TSFM: variants seen among roughly 807,000 people sequenced by gnomAD.
TSFM encodes the protein elongation factor Ts, mitochondrial.
A neutral mutation model predicts 33.4 loss-of-function variants in TSFM; 29 were observed. That is an observed-to-expected ratio of 0.87 (90% CI 0.65 to 1.18). The LOEUF (loss-of-function observed/expected upper bound fraction) is 1.18, where lower values mean the gene tolerates loss of function less well. TSFM is among the 50% of genes most tolerant of loss of function. The pLI, the probability that TSFM is intolerant of heterozygous loss-of-function variation, is 0.00. For missense variants in TSFM, 394 were observed against 395.6 expected (o/e 1.00, Z 0.04); for synonymous variants, 178 against 163.5 (o/e 1.09, Z -0.68).
Position 57,796,197 on chromosome 12 carries a change from A to C in TSFM, c.592A>C (p.Ile198Leu). ...LAIGKLGENM[I>L]LKRAAWVKVP... ...AATAGGAAAACTGGGAGAAAACATG[A>C]TTCTTAAACGAGCTGCATGGGTGAA... The change falls in exon 6 of 6, where the codon ATT becomes CTT. Residue 198 changes from isoleucine (I) to leucine (L), a missense_variant. Transcript: ENST00000652027. The C allele has an allele frequency of 6.3e-7, 1 of 1,576,024 alleles. No individual in the cohort carries two copies. Among genetic ancestry groups the C allele is most frequent in the African/African-American group, 1.4e-5 (1 of 73,220 alleles).
chr12:57,786,517 C>A (rs891014844), intron 3 of TSFM, among the ~76,000 whole-genome samples: 1 of 152,196 alleles, frequency 6.6e-6, no homozygotes, highest in Non-Finnish European at 1.5e-5. Context: ...GAATATTACT[C>A]CTGAATGTGA....
Position 57,786,280 on chromosome 12 carries a change from G to GT in TSFM, c.350dup (p.Leu118IlefsTer7). 6.2e-7 allele frequency: 1 copy of GT among 1,611,704 alleles called. No individual in the cohort carries two copies. Among genetic ancestry groups the GT allele is most frequent in the South Asian group, 1.1e-5 (1 of 90,594 alleles). ...GCTGTTGCAGGAAGGAAACACAACT[G>GT]TATTAGTAGAGGTGAGTTGTTGGAA... On this transcript the variant is annotated frameshift_variant, in exon 3 of 6. Transcript: ENST00000652027. LOFTEE classifies it high-confidence loss of function.
chr12:57,792,526 A>G (rs1035977101), intron 4 of TSFM, among the ~76,000 whole-genome samples: 1 of 152,168 alleles, frequency 6.6e-6, no homozygotes, highest in Non-Finnish European at 1.5e-5. Context: ...ACTGTTACCA[A>G]TTTTTAACAT....
Position 57,796,375 on chromosome 12 carries a change from G to T in TSFM, c.770G>T (p.Gly257Val). The T allele has an allele frequency of 6.2e-7, 1 of 1,602,658 alleles. No individual in the cohort carries two copies. Among genetic ancestry groups the T allele is most frequent in the South Asian group, 1.1e-5 (1 of 89,358 alleles). Residue 257 changes from glycine (G) to valine (V), a missense_variant, in exon 6 of 6, where the codon GGG (glycine) becomes GTG (valine). Physicochemically the swap from Gly to Val is moderately radical, Grantham distance 109. Transcript: ENST00000652027. ...TNLEDVGRRL[G>V]QHVVGMAPLS... ...CTTGAAGACGTTGGCCGCCGCCTTG[G>T]GCAGCATGTGGTGGGCATGGCCCCC...
chr12:57,802,563 T>C, downstream of TSFM: 1 of 732,776 alleles, frequency 1.4e-6, no homozygotes, highest in Non-Finnish European at 2.4e-6. Context: ...AGGTCTGCCT[T>C]TCCAAATTGG....
In TSFM at chr12:57,796,974, C is replaced by T. The variant is rs1955750512; in HGVS notation, c.*391C>T. Reference sequence around the variant, plus strand: ...ACCGTGCTTCTGCCTCGGAACCTCCCTAGTTATATTACTTGTGCCACATGG... The same window carrying T: ...ACCGTGCTTCTGCCTCGGAACCTCCTTAGTTATATTACTTGTGCCACATGG... On this transcript the variant is annotated 3_prime_UTR_variant, in exon 6 of 6. Coordinates refer to ENST00000652027, the MANE Select transcript of TSFM (RefSeq NM_005726.6). The T allele has an allele frequency of 4.1e-6, 4 of 987,470 alleles. No individual in the cohort carries two copies. In the South Asian group the frequency reaches 1.9e-4, roughly 46 times the overall value. The allele number at this position is 987,470 out of a possible 1,614,324, so 61.2% of individuals were successfully genotyped here. A position where few individuals can be genotyped will look rare whatever the true frequency, so the allele number is the denominator to read the frequency against.
intron 2 of TSFM, among the ~76,000 whole-genome samples, chr12:57,784,359 G>T (rs991998657): frequency 6.6e-6 from 1 of 152,176 alleles, no homozygotes; most frequent in Non-Finnish European, 1.5e-5. Flanking sequence ...TATAGTAGAC[G>T]TTAAAGCACA....
downstream of TSFM, among the ~76,000 whole-genome samples, chr12:57,798,643 T>G (rs577741114): frequency 2.3e-4 from 34 of 150,818 alleles, 1 homozygote; most frequent in African/African-American, 8.3e-4. Context: ...TTGAGACAGA[T>G]TCTTGCTTTG....
At chr12:57,794,485 T>G (rs1208271791) in intron 5 of TSFM, among the ~76,000 whole-genome samples, 1 of 152,216 alleles carries the variant, frequency 6.6e-6, no homozygotes, top group African/African-American at 2.4e-5. Context: ...CTTTTCTGTT[T>G]TTGATGAGAG....
chr12:57,799,979 A>T (rs1955814742), downstream of TSFM: 1 of 1,598,812 alleles, frequency 6.3e-7, no homozygotes, highest in Non-Finnish European at 8.6e-7. Flanking sequence ...GTGTGGTTAC[A>T]GTTCTGAATG....
At chr12:57,795,143 AGGCTGGAG>A (rs1955716444) in intron 5 of TSFM, among the ~76,000 whole-genome samples, 3 of 150,064 alleles carry the variant, frequency 2.0e-5, no homozygotes, top group Admixed American at 1.3e-4. Context: ...CTTGTTGCCC[AGGCTGGAG>A]TGCAATGGCA....
chr12:57,797,875 T>C (rs773271987), downstream of TSFM: 10 of 1,607,606 alleles, frequency 6.2e-6, no homozygotes, highest in East Asian at 2.2e-4. Context: ...GTATAGGCCT[T>C]CTTGCTTTAG....
downstream of TSFM, among the ~76,000 whole-genome samples, chr12:57,798,398 G>A (rs111935385): frequency 0.023 from 3,486 of 152,182 alleles, 66 homozygotes; most frequent in Non-Finnish European, 0.032. Context: ...ATGCATGATC[G>A]GGTGGATCTT....
downstream of TSFM, among the ~76,000 whole-genome samples, chr12:57,800,812 TAGTC>T (rs935584050): frequency 9.9e-5 from 15 of 152,126 alleles, no homozygotes; most frequent in Non-Finnish European, 2.1e-4. Flanking sequence ...TTCACCATAT[TAGTC>T]AGGCTGGTCT....
downstream of TSFM, chr12:57,799,648 G>T (rs996220373): frequency 2.7e-5 from 29 of 1,065,672 alleles, no homozygotes; most frequent in East Asian, 7.3e-5. Context: ...AAGAACCCTG[G>T]TTTTTTTTGG....
downstream of TSFM, chr12:57,801,363 G>T: frequency 1.7e-6 from 1 of 594,514 alleles, no homozygotes; most frequent in African/African-American, 1.9e-5. Context: ...CCCCTTTTGG[G>T]TCCATGCAGG....
chr12:57,801,367 A>C, downstream of TSFM: 1 of 584,268 alleles, frequency 1.7e-6, no homozygotes, highest in East Asian at 3.0e-5. Flanking sequence ...TTTTGGGTCC[A>C]TGCAGGCTTG....
intron 2 of TSFM, among the ~76,000 whole-genome samples, chr12:57,785,692 CA>C (rs1408358920): frequency 6.6e-6 from 1 of 152,180 alleles, no homozygotes; most frequent in Non-Finnish European, 1.5e-5. Context: ...TTTCAAGTAT[CA>C]TGTACTATAT....
chr12:57,799,747 TC>T, downstream of TSFM: 1 of 1,610,144 alleles, frequency 6.2e-7, no homozygotes, highest in Non-Finnish European at 8.5e-7. Flanking sequence ...AGTTTTTTAC[TC>T]ACGGAGAGCT....
Sources: allele counts gnomAD v4.1 joint callset (sites outside exome capture counted in the v4.1 genomes callset), GRCh38; gene constraint gnomAD v4.1.1; transcripts MANE v1.5; gene names NCBI Gene and HGNC (gene_info 2026-07-23, HGNC 2026-07-21).